Variants in ZMIZ2 observed in about 807,000 individuals in gnomAD.
ZMIZ2 encodes zinc finger MIZ domain-containing protein 2.
In ZMIZ2, 26 loss-of-function variants were observed where a neutral mutation model predicts 93.9. The observed-to-expected ratio is 0.28, with a 90% CI of 0.20 to 0.38. ZMIZ2 has a LOEUF of 0.38. Among genes scored for constraint, ZMIZ2 ranks in the 10% least tolerant of loss-of-function variants. ZMIZ2 has a pLI of 1.00. For synonymous variants in ZMIZ2, 485 were observed against 516.4 expected (o/e 0.94, Z 0.82); for missense variants, 1,023 against 1,235.0 (o/e 0.83, Z 2.57).
rs528587452 is a variant in ZMIZ2 at position 44,752,127 on chromosome 7, GC to G, written c.-63+3138del. 1.8e-3 allele frequency among the ~76,000 whole-genome samples: 266 copies of G among 151,632 alleles called. 1 individual carries two copies. The highest frequency in any genetic ancestry group is 6.1e-3 in the African/African-American group (250 of 41,158). ...TACAGTAAAGAGGTTACAGCCTGTT[GC>G]CTTCTATTTTTTTTTTTTGAGATGG... is the stretch of plus-strand genomic sequence containing the variant. On this transcript the variant is annotated intron_variant, in intron 1 of 18. Transcript: ENST00000309315.
At chr7:44,764,077 G>A (rs1429288654) in intron 13 of ZMIZ2, among the ~76,000 whole-genome samples, 2 of 152,200 alleles carry the variant, frequency 1.3e-5, no homozygotes, top group Non-Finnish European at 1.5e-5. Context: ...GGCGGAGGTT[G>A]CAATGAGCTG....
chr7:44,760,047 G>C (rs1235239122), intron 7 of ZMIZ2, 104 bp from the exon 8 acceptor site: 5 of 1,120,412 alleles, frequency 4.5e-6, no homozygotes, highest in Non-Finnish European at 6.6e-6. Flanking sequence ...AAATACAAGA[G>C]AGTGTAAAGA....
chr7:44,751,814 G>C (rs1790171694), intron 1 of ZMIZ2, among the ~76,000 whole-genome samples: 1 of 152,084 alleles, frequency 6.6e-6, no homozygotes. Flanking sequence ...AAATTAGCCA[G>C]GCATGGACTA....
In ZMIZ2 at chr7:44,756,964, G is replaced by T; in HGVS notation, c.183G>T (p.Met61Ile). 1 of 1,610,474 alleles carries T rather than the reference G, an allele frequency of 6.2e-7. No homozygotes were observed. The highest frequency in any genetic ancestry group is 2.2e-5 in the East Asian group (1 of 44,866). ...CCTCATAGGTTTTGGGGAACCCCAT[G>T]GGCCCTGCAGGGAGTCCCTCTGGCA... ...ATQSQVLGNP[M>I]GPAGSPSGSS... is the part of the protein sequence containing the mutation. The change falls in exon 4 of 19, where the codon ATG becomes ATT. Residue 61 changes from methionine (M) to isoleucine (I), a missense_variant. Around this residue, in one of 3 missense-constraint regions of ZMIZ2, gnomAD observed 656 missense variants for 777.1 expected, o/e 0.84. Transcript: ENST00000309315.
In ZMIZ2 at chr7:44,760,168, C is replaced by A. The variant is rs368097482; in HGVS notation, c.1011C>A (p.Asn337Lys). The change falls in exon 8 of 19, where the codon AAC (asparagine) becomes AAA (lysine). Residue 337 changes from asparagine (N) to lysine (K), a missense_variant. Asn to Lys is a moderately conservative substitution (Grantham distance 94). Around this residue, in one of 3 missense-constraint regions of ZMIZ2, gnomAD observed 656 missense variants for 777.1 expected, o/e 0.84. Coordinates refer to ENST00000309315, the MANE Select transcript of ZMIZ2 (RefSeq NM_031449.4). ...GLHYKPTEQF[N>K]GQGASFNGGS... ...TCCCGCAGCCCACAGAGCAGTTCAACGGGCAGGGCGCCAGCTTCAACGGGG... is the reference window on the plus strand; with the variant it reads ...TCCCGCAGCCCACAGAGCAGTTCAAAGGGCAGGGCGCCAGCTTCAACGGGG... The A allele has an allele frequency of 6.2e-7, 1 of 1,613,898 alleles. No individual in the cohort carries two copies. Among genetic ancestry groups the A allele is most frequent in the African/African-American group, 1.3e-5 (1 of 75,016 alleles).
In ZMIZ2 at chr7:44,756,809, G is replaced by C. The variant is rs116110843; in HGVS notation, c.166-138G>C. ...CTCCCTGTGGACAGCTGCTTTCCCT[G>C]CTTCCCGTGCTATACCCTGTCCCCC... is the stretch of plus-strand genomic sequence containing the variant. On this transcript the variant is annotated intron_variant, in intron 3 of 18. Transcript: ENST00000309315. The C allele has an allele frequency of 1.2e-3, 1,336 of 1,097,912 alleles. 9 individuals are homozygous for C. The African/African-American group carries it at 0.019, about 16-fold the overall frequency. The allele number at this position is 1,097,912 out of a possible 1,614,324, so 68.0% of individuals were successfully genotyped here. A position where few individuals can be genotyped will look rare whatever the true frequency, so the allele number is the denominator to read the frequency against.
In ZMIZ2 at chr7:44,760,533, A is replaced by C. The variant is rs1215611419; in HGVS notation, c.1180A>C (p.Lys394Gln). 7.4e-6 allele frequency: 12 copies of C among 1,613,978 alleles called. No individual in the cohort carries two copies. Among genetic ancestry groups the C allele is most frequent in the Non-Finnish European group, 9.3e-6 (11 of 1,180,024 alleles). ...VPYMSPNQEV[K>Q]SPFLPDLKPN... ...TTACATGTCACCAAACCAAGAGGTC[A>C]AGTCTCCCTTCTTGCCTGATCTCAA... is the stretch of plus-strand genomic sequence containing the variant. The change falls in exon 9 of 19, where the codon AAG (lysine) becomes CAG (glutamine). Residue 394 changes from lysine to glutamine, a missense_variant. Transcript: ENST00000309315.
rs201998052 is a variant in ZMIZ2 at position 44,756,406 on chromosome 7, G to A, written c.51-19G>A. On this transcript the variant is annotated intron_variant, in intron 2 of 18. Coordinates refer to ENST00000309315, the MANE Select transcript of ZMIZ2 (RefSeq NM_031449.4). ...CAGTGGCTTCCTGACCCAGGCCTCAGCAGCCTCTTTCCCTGCAGTGATGGT... is the reference window on the plus strand; with the variant it reads ...CAGTGGCTTCCTGACCCAGGCCTCAACAGCCTCTTTCCCTGCAGTGATGGT... 10 of 1,613,810 alleles carry A rather than the reference G, an allele frequency of 6.2e-6. No homozygotes were observed. The highest frequency in any genetic ancestry group is 3.3e-4 in the Middle Eastern group (2 of 6,084).
rs1790935058 is a variant in ZMIZ2, at chr7:44,759,363, C to T, written c.896C>T (p.Pro299Leu). 1.2e-6 allele frequency: 2 copies of T among 1,605,674 alleles called. No individual in the cohort carries two copies. Among genetic ancestry groups the T allele is most frequent in the Non-Finnish European group, 1.7e-6 (2 of 1,176,338 alleles). Residue 299 changes from proline to leucine, a missense_variant, in exon 7 of 19, where the codon CCT becomes CTT. Around this residue, in one of 3 missense-constraint regions of ZMIZ2, gnomAD observed 656 missense variants for 777.1 expected, o/e 0.84. Transcript: ENST00000309315. Reference sequence around the variant, plus strand: ...TTTGCGCCCAGCCCTGGGCAGCCCCCTGCCCCCTCCCCTTCCTACCCTGGG... The same window carrying T: ...TTTGCGCCCAGCCCTGGGCAGCCCCTTGCCCCCTCCCCTTCCTACCCTGGG... ...AQFAPSPGQPPAPSPSYPGHR... is the reference protein window; with the variant it reads ...AQFAPSPGQPLAPSPSYPGHR...
chr7:44,761,841 A>G lies in ZMIZ2; in HGVS notation c.1532A>G (p.Tyr511Cys), dbSNP rs1249226495. The G allele has an allele frequency of 4.3e-6, 7 of 1,613,992 alleles. No individual in the cohort carries two copies. The highest frequency in any genetic ancestry group is 5.1e-6 in the Non-Finnish European group (6 of 1,180,028). Residue 511 changes from tyrosine to cysteine, a missense_variant, in exon 11 of 19, where the codon TAC (tyrosine) becomes TGC (cysteine). Coordinates refer to ENST00000309315, the MANE Select transcript of ZMIZ2 (RefSeq NM_031449.4). The surrounding 1 kb of genome is among the most constrained non-coding windows in gnomAD (Gnocchi z 5.8). The stretch of plus-strand genomic sequence containing the variant: ...AACAAGACCTCGCACAAGCCACTCT[A>G]CCTGAAGCATGTGTGCCAGCCAGGC... Reference protein sequence around the residue: ...GDNKTSHKPLYLKHVCQPGRN... With the variant: ...GDNKTSHKPLCLKHVCQPGRN...
At chr7:44,756,926 G>T in intron 3 of ZMIZ2, 21 bp from the exon 4 acceptor site, 2 of 1,609,964 alleles carry the variant, frequency 1.2e-6, no homozygotes, top group Non-Finnish European at 1.7e-6. Context: ...GTTCCCTTTG[G>T]TGATTCCTGC....
intron 2 of ZMIZ2, 53 bp from the exon 3 acceptor site, chr7:44,756,372 C>G: frequency 6.2e-7 from 1 of 1,613,872 alleles, no homozygotes; most frequent in Non-Finnish European, 8.5e-7. Flanking sequence ...ATCCTAGACT[C>G]TTGGACACCA....
intron 1 of ZMIZ2, among the ~76,000 whole-genome samples, chr7:44,751,923 C>T (rs985329051): frequency 1.3e-5 from 2 of 151,422 alleles, no homozygotes; most frequent in African/African-American, 2.4e-5. Flanking sequence ...GATCGTGCCA[C>T]TGCACTCCAG....
Position 44,763,291 on chromosome 7 carries a change from AC to A in ZMIZ2, c.1742del (p.Pro581LeufsTer18). ...RNFSSGTIPG[T>X]PGPNGEDGVE... ...CTTCAGCAGCGGCACCATCCCTGGC[AC>A]CCCTGGGCCCAACGGAGAGGACGGG... On this transcript the variant is annotated frameshift_variant, in exon 13 of 19. Transcript: ENST00000309315. LOFTEE classifies it high-confidence loss of function. The surrounding 1 kb of genome is among the most constrained non-coding windows in gnomAD (Gnocchi z 5.6). 6.2e-7 allele frequency: 1 copy of A among 1,613,922 alleles called. No individual in the cohort carries two copies. Among genetic ancestry groups the A allele is most frequent in the Non-Finnish European group, 8.5e-7 (1 of 1,179,968 alleles).
intron 18 of ZMIZ2, 33 bp from the exon 19 acceptor site, chr7:44,767,483 C>CT: frequency 1.3e-6 from 2 of 1,575,182 alleles, no homozygotes; most frequent in Non-Finnish European, 1.7e-6. Flanking sequence ...AGTCAGTGAC[C>CT]AAAGCTGCTA....
intron 14 of ZMIZ2, among the ~76,000 whole-genome samples, 166 bp downstream of exon 14, chr7:44,764,652 T>G (rs1013911627): frequency 6.6e-6 from 1 of 152,204 alleles, no homozygotes; most frequent in African/African-American, 2.4e-5. Flanking sequence ...AGGGTGGCCT[T>G]ATGCAGGGTC....
Position 44,766,226 on chromosome 7 carries a change from C to G in ZMIZ2, c.2305C>G (p.Pro769Ala). ...ESFPPTTPSTPTLAEFTPGPP... is the reference protein window; with the variant it reads ...ESFPPTTPSTATLAEFTPGPP... ...CTTCCCACCCACCACGCCCAGCACC[C>G]CAACCCTTGCTGAGTTCACCCCGGG... Residue 769 changes from proline to alanine, a missense_variant, in exon 17 of 19, where the codon CCA (proline) becomes GCA (alanine). Coordinates refer to ENST00000309315, the MANE Select transcript of ZMIZ2 (RefSeq NM_031449.4). The surrounding 1 kb of genome is among the most constrained non-coding windows in gnomAD (Gnocchi z 4.4). 1 of 1,606,066 alleles carries G rather than the reference C, an allele frequency of 6.2e-7. No individual in the cohort carries two copies. The highest frequency in any genetic ancestry group is 8.5e-7 in the Non-Finnish European group (1 of 1,175,522).
At position 44,768,469 on chromosome 7, in the gene ZMIZ2, G is replaced by C. The variant is rs1435051459; in HGVS notation, c.*846G>C. 1 of 152,302 alleles carries C rather than the reference G, an allele frequency of 6.6e-6. No individual in the cohort carries two copies. The allele number at this position is 152,302 out of a possible 1,614,324, so 9.4% of individuals were successfully genotyped here. On this transcript the variant is annotated 3_prime_UTR_variant, in exon 19 of 19. Transcript: ENST00000309315. ...CAGCTCTGTGTAAAGATTCTCTAGCGGGCTGCGCTCCCAAGTTCCCCTTCT... is the reference window on the plus strand; with the variant it reads ...CAGCTCTGTGTAAAGATTCTCTAGCCGGCTGCGCTCCCAAGTTCCCCTTCT...
chr7:44,765,256 G>T lies in ZMIZ2; in HGVS notation c.1998-79G>T. 1.3e-6 allele frequency: 2 copies of T among 1,585,504 alleles called. No homozygotes were observed. The highest frequency in any genetic ancestry group is 2.2e-5 in the East Asian group (1 of 44,582). On this transcript the variant is annotated intron_variant, in intron 15 of 18. Coordinates refer to ENST00000309315, the MANE Select transcript of ZMIZ2 (RefSeq NM_031449.4). This position sits in a 1 kb window ranked among gnomAD's most constrained non-coding sequence, Gnocchi z 4.1. ...GAGTGGGGGAACCTGCCTGGAAACAGCCCAGGGCTGGGAGGGGCAGTGGGT... is the reference window on the plus strand; with the variant it reads ...GAGTGGGGGAACCTGCCTGGAAACATCCCAGGGCTGGGAGGGGCAGTGGGT...
Sources: gnomAD v4.1 joint callset for allele counts (sites outside exome capture counted in the v4.1 genomes callset) on GRCh38, gnomAD v4.1.1 for gene constraint, gnomAD v4.1.1 regional missense constraint, Gnocchi (gnomAD v3.1) non-coding constraint, MANE v1.5 for transcripts, NCBI Gene and HGNC (gene_info 2026-07-23, HGNC 2026-07-21) for gene names.